Variants in REC114 observed in about 807,000 individuals in gnomAD.
The protein encoded by REC114 is REC114 meiotic recombination protein.
REC114 carries 27 observed loss-of-function variants against 31.3 expected under a neutral mutation model. The observed-to-expected ratio is 0.86, with a 90% CI of 0.64 to 1.19. The LOEUF (loss-of-function observed/expected upper bound fraction) is 1.19. Ranked by LOEUF, REC114 falls within the 50% of genes most tolerant of loss-of-function variation. The pLI, the probability that REC114 is intolerant of heterozygous loss-of-function variation, is 0.00. For synonymous variants in REC114, 134 were observed against 127.7 expected (o/e 1.05, Z -0.33); for missense variants, 344 against 326.9 (o/e 1.05, Z -0.40).
At chr15:73,480,146 A>G (rs1253627583) in intron 2 of REC114, among the ~76,000 whole-genome samples, 2 of 152,182 alleles carry the variant, frequency 1.3e-5, no homozygotes, top group Non-Finnish European at 2.9e-5. Context: ...GTATGAGGGA[A>G]TAATGTCATT....
chr15:73,555,005 T>C (rs538849741), intron 4 of REC114, among the ~76,000 whole-genome samples: 1 of 152,188 alleles, frequency 6.6e-6, no homozygotes, highest in Non-Finnish European at 1.5e-5. Context: ...GATTATAGAG[T>C]CCTTTGGCCC....
intron 2 of REC114, among the ~76,000 whole-genome samples, chr15:73,480,255 G>A (rs1893275244): frequency 6.6e-6 from 1 of 151,858 alleles, no homozygotes; most frequent in Non-Finnish European, 1.5e-5. Context: ...GCTTATTCAG[G>A]TCTTTTGCTA....
rs975555430 is a variant in REC114 at position 73,476,485 on chromosome 15, TTTAA to T, written c.249+2567_249+2570del. 3.6e-4 allele frequency among the ~76,000 whole-genome samples: 55 copies of T among 152,352 alleles called. No individual in the cohort carries two copies. The Middle Eastern group carries it at 0.017, about 47-fold the overall frequency. ...AAAATAATTTTTGTTTATATATATC[TTTAA>T]TTGACAGATAAAATTGTATATATTT... On this transcript the variant is annotated intron_variant, in intron 2 of 5. Coordinates refer to ENST00000331090, the MANE Select transcript of REC114 (RefSeq NM_001042367.2).
intron 1 of REC114, among the ~76,000 whole-genome samples, chr15:73,463,893 T>A (rs1452330996): frequency 2.0e-5 from 3 of 147,114 alleles, no homozygotes; most frequent in Admixed American, 2.0e-4. Context: ...TTTAAGATCT[T>A]CTTCTATCCA....
At chr15:73,466,517 G>C (rs1274803100) in intron 1 of REC114, among the ~76,000 whole-genome samples, 1 of 152,144 alleles carries the variant, frequency 6.6e-6, no homozygotes, top group Non-Finnish European at 1.5e-5. Flanking sequence ...TGGTGCCATT[G>C]CACTCTAGCC....
intron 2 of REC114, among the ~76,000 whole-genome samples, chr15:73,510,941 G>A (rs1284094224): frequency 3.3e-5 from 5 of 152,310 alleles, no homozygotes; most frequent in South Asian, 4.1e-4. Flanking sequence ...TTGGTATCAG[G>A]ATGATGCTGG....
intron 4 of REC114, among the ~76,000 whole-genome samples, chr15:73,553,906 G>A (rs1329110396): frequency 1.3e-5 from 2 of 152,130 alleles, no homozygotes; most frequent in Admixed American, 6.5e-5. Context: ...TTAGAATCCT[G>A]GCCCTATTTC....
chr15:73,464,472 G>A (rs941084086), intron 1 of REC114, among the ~76,000 whole-genome samples: 1 of 152,004 alleles, frequency 6.6e-6, no homozygotes, highest in Non-Finnish European at 1.5e-5. Flanking sequence ...AGCCCATTGG[G>A]TATGTAGCTA....
rs57149553 is a variant in REC114 at position 73,523,513 on chromosome 15, A to G, written c.250-16972A>G. On this transcript the variant is annotated intron_variant, in intron 2 of 5. Transcript: ENST00000331090. ...GTGCATACTACTAAGTTAGGTTTTC[A>G]GTTTTGTCTGCCTATGAAGCTAGGT... is the stretch of plus-strand genomic sequence containing the variant. 8.0e-3 allele frequency among the ~76,000 whole-genome samples: 1,225 copies of G among 152,302 alleles called. 22 individuals carry two copies. The highest frequency in any genetic ancestry group is 0.028 in the African/African-American group (1,179 of 41,560).
chr15:73,497,463 C>G (rs900649703), intron 2 of REC114, among the ~76,000 whole-genome samples: 1 of 152,190 alleles, frequency 6.6e-6, no homozygotes, highest in East Asian at 1.9e-4. Flanking sequence ...ACTAATCTCC[C>G]ACTGATCACT....
At chr15:73,504,282 C>T (rs1030446185) in intron 2 of REC114, among the ~76,000 whole-genome samples, 2 of 152,040 alleles carry the variant, frequency 1.3e-5, no homozygotes, top group Admixed American at 6.6e-5. Context: ...GGATTACAGG[C>T]GTGAGCCACT....
intron 2 of REC114, among the ~76,000 whole-genome samples, chr15:73,499,726 A>G (rs1328570159): frequency 1.3e-5 from 2 of 152,134 alleles, no homozygotes; most frequent in Admixed American, 6.6e-5. Flanking sequence ...GAATGCAAGG[A>G]TCTTAGTGAT....
intron 2 of REC114, among the ~76,000 whole-genome samples, chr15:73,507,794 T>C (rs988920114): frequency 6.6e-5 from 10 of 152,128 alleles, no homozygotes; most frequent in Non-Finnish European, 1.3e-4. Flanking sequence ...CAGCAACTTA[T>C]AAATAAGTAA....
intron 2 of REC114, among the ~76,000 whole-genome samples, chr15:73,496,898 C>T (rs1893536492): frequency 1.3e-5 from 2 of 151,054 alleles, no homozygotes; most frequent in Admixed American, 6.6e-5. Flanking sequence ...TTCTTGGGTT[C>T]CTTCCATCTG....
intron 2 of REC114, among the ~76,000 whole-genome samples, chr15:73,523,418 AAC>A (rs1432800258): frequency 6.6e-6 from 1 of 152,128 alleles, no homozygotes; most frequent in Non-Finnish European, 1.5e-5. Flanking sequence ...ACACAGTTTG[AAC>A]ACACAGCAGT....
chr15:73,467,616 A>ACTTACT (rs1893079630), intron 1 of REC114, among the ~76,000 whole-genome samples: 1 of 152,170 alleles, frequency 6.6e-6, no homozygotes, highest in Admixed American at 6.5e-5. Context: ...ATACTTTGCT[A>ACTTACT]TTGTTAACTC....
At chr15:73,474,036 A>G in intron 2 of REC114, 115 bp downstream of exon 2, 1 of 704,922 alleles carries the variant, frequency 1.4e-6, no homozygotes, top group South Asian at 1.7e-5. Context: ...CAAGGTCAAC[A>G]CATTAAGCAT....
Position 73,473,888 on chromosome 15 carries a change from T to G in REC114, c.216T>G (p.Gly72=). ...TTGTTCTCACCATAGTTATATCAGG[T>G]CATTTCTTCATTTTCCAAGGACAGA... ...GYLVLTIVIS[G]HFFIFQGQTL... Residue 72 remains glycine, a synonymous_variant, in exon 2 of 6, where the codon GGT becomes GGG. Transcript: ENST00000331090. The G allele has an allele frequency of 6.3e-7, 1 of 1,585,620 alleles. No individual in the cohort carries two copies. Among genetic ancestry groups the G allele is most frequent in the Non-Finnish European group, 8.6e-7 (1 of 1,163,030 alleles).
chr15:73,492,993 CTCT>C (rs1300776964), intron 2 of REC114, among the ~76,000 whole-genome samples: 4 of 151,434 alleles, frequency 2.6e-5, no homozygotes, highest in Admixed American at 6.6e-5. Context: ...ATTTTTTTTA[CTCT>C]TCTTTATTTT....
Sources: gnomAD v4.1 joint callset for allele counts (sites outside exome capture counted in the v4.1 genomes callset) on GRCh38, gnomAD v4.1.1 for gene constraint, MANE v1.5 for transcripts, NCBI Gene and HGNC (gene_info 2026-07-23, HGNC 2026-07-21) for gene names.